Variants in CHN2 observed in about 807,000 individuals in gnomAD.
The protein encoded by CHN2 is beta-chimaerin.
In CHN2, 35 loss-of-function variants were observed where a neutral mutation model predicts 56.3. That is an observed-to-expected ratio of 0.62 (90% CI 0.47 to 0.82). CHN2 has a LOEUF of 0.82. Among genes scored for constraint, CHN2 ranks in the 40% least tolerant of loss-of-function variants. The pLI, the probability that CHN2 is intolerant of heterozygous loss-of-function variation, is 0.00. For missense variants in CHN2, 491 were observed against 580.5 expected (o/e 0.85, Z 1.58); for synonymous variants, 210 against 212.8 (o/e 0.99, Z 0.12).
At position 29,480,348 on chromosome 7, in the gene CHN2, A is replaced by C. The variant is rs779551481; in HGVS notation, c.646A>C (p.Asn216His). 1 of 1,614,194 alleles carries C rather than the reference A, an allele frequency of 6.2e-7. No homozygotes were observed. Among genetic ancestry groups the C allele is most frequent in the Non-Finnish European group, 8.5e-7 (1 of 1,180,010 alleles). The change falls in exon 7 of 13, where the codon AAC (asparagine) becomes CAC (histidine). Residue 216 changes from asparagine (N) to histidine (H), a missense_variant. Physicochemically the swap from Asn to His is moderately conservative, Grantham distance 68. Transcript: ENST00000222792. ...DNHFNYEKTH[N>H]FKVHTFRGPH... ...CCACTTCAATTATGAGAAGACACAC[A>C]ACTTTAAGGTAAGCAAGCCTCTGCA...
At chr7:29,233,476 C>T (rs2097818) in intron 1 of CHN2, among the ~76,000 whole-genome samples, 1 of 152,138 alleles carries the variant, frequency 6.6e-6, no homozygotes, top group Non-Finnish European at 1.5e-5. Flanking sequence ...CCCAAGATGT[C>T]GACTTCCACT....
rs1027624498 is a variant in CHN2 at position 29,507,503 on chromosome 7, T to A, written c.1129+138T>A. On this transcript the variant is annotated intron_variant, in intron 11 of 12. Transcript: ENST00000222792. ...TGTCAAGTGAGGGCACAACAATAAA[T>A]AGCTGACCAGGCATAGTTCAACAGC... 1.0e-5 allele frequency: 7 copies of A among 674,386 alleles called. No individual in the cohort carries two copies. In the Admixed American group the frequency reaches 2.1e-4, roughly 20 times the overall value. 41.8% of individuals were successfully genotyped at this position (674,386 alleles called of 1,614,324 possible).
intron 6 of CHN2, among the ~76,000 whole-genome samples, chr7:29,424,344 GT>G (rs948028186): frequency 4.6e-5 from 7 of 151,732 alleles, no homozygotes; most frequent in South Asian, 4.2e-4. Flanking sequence ...GATCTCCCCA[GT>G]TTTTTTTTAA....
intron 1 of CHN2, among the ~76,000 whole-genome samples, chr7:29,221,602 C>T (rs980494775): frequency 6.6e-5 from 10 of 152,168 alleles, no homozygotes; most frequent in African/African-American, 2.4e-4. Context: ...AGCTGTTCTT[C>T]CTGATGCTCT....
intron 1 of CHN2, among the ~76,000 whole-genome samples, chr7:29,236,723 A>T (rs1011903874): frequency 6.6e-6 from 1 of 152,240 alleles, no homozygotes; most frequent in Non-Finnish European, 1.5e-5. Flanking sequence ...AGAGTTCTCA[A>T]ATGGGTTGGC....
intron 3 of CHN2, among the ~76,000 whole-genome samples, chr7:29,375,856 G>A (rs1360632927): frequency 6.6e-6 from 1 of 152,210 alleles, no homozygotes; most frequent in African/African-American, 2.4e-5. Flanking sequence ...TGACTCAGAG[G>A]TCAGGCCCCA....
At chr7:29,339,638 AG>A (rs551457334) in intron 1 of CHN2, among the ~76,000 whole-genome samples, 178 of 152,280 alleles carry the variant, frequency 1.2e-3, no homozygotes, top group African/African-American at 4.2e-3. Flanking sequence ...GGATCACCTG[AG>A]GTCAGGAGTT....
At chr7:29,197,066 A>T (rs1783794178) in intron 1 of CHN2, among the ~76,000 whole-genome samples, 1 of 152,206 alleles carries the variant, frequency 6.6e-6, no homozygotes, top group Admixed American at 6.5e-5. Context: ...CATTGTGTGG[A>T]TCATGAATAA....
intron 1 of CHN2, among the ~76,000 whole-genome samples, chr7:29,228,935 G>A (rs762800252): frequency 1.2e-4 from 19 of 152,246 alleles, no homozygotes; most frequent in Admixed American, 2.0e-4. Context: ...TTTTGCTCCC[G>A]CTCTGCTCCA....
chr7:29,408,565 T>C (rs911482606), intron 6 of CHN2, among the ~76,000 whole-genome samples: 5 of 152,244 alleles, frequency 3.3e-5, no homozygotes, highest in Non-Finnish European at 7.3e-5. Context: ...TACAGTTACC[T>C]GTGCTGGTTC....
intron 7 of CHN2, among the ~76,000 whole-genome samples, chr7:29,494,522 C>G (rs1166482432): frequency 6.6e-6 from 1 of 152,092 alleles, no homozygotes; most frequent in Non-Finnish European, 1.5e-5. Flanking sequence ...CCCTGTAAGT[C>G]CTTCTGGGAT....
At chr7:29,195,629 A>AGAGAGAGAGTGTGTGTGT (rs869037854) in intron 1 of CHN2, among the ~76,000 whole-genome samples, 8 of 117,574 alleles carry the variant, frequency 6.8e-5, no homozygotes, top group South Asian at 2.9e-4. Context: ...AGAGAGAGAG[A>AGAGAGAGAGTGTGTGTGT]GTGTGTGTGT....
intron 1 of CHN2, among the ~76,000 whole-genome samples, chr7:29,195,713 C>T (rs1054756311): frequency 6.6e-6 from 1 of 151,238 alleles, no homozygotes. Context: ...ATTTCACTAG[C>T]AAGGCATGCA....
intron 6 of CHN2, among the ~76,000 whole-genome samples, chr7:29,456,889 C>T (rs1784810662): frequency 6.6e-6 from 1 of 152,094 alleles, no homozygotes; most frequent in African/African-American, 2.4e-5. Context: ...CAGAAAGCAC[C>T]AGGAGCTGGA....
intron 6 of CHN2, among the ~76,000 whole-genome samples, chr7:29,473,554 A>G (rs1220104110): frequency 1.3e-5 from 2 of 149,194 alleles, no homozygotes; most frequent in African/African-American, 5.0e-5. Context: ...GTGGAAAGAT[A>G]AAATTGGAGT....
intron 1 of CHN2, among the ~76,000 whole-genome samples, chr7:29,301,350 C>T (rs964709366): frequency 1.2e-5 from 1 of 86,886 alleles, no homozygotes; most frequent in Non-Finnish European, 2.4e-5. Context: ...GGTACACACA[C>T]ACACACACAC....
At position 29,507,237 on chromosome 7, in the gene CHN2, A is replaced by C. The variant is rs1362425398; in HGVS notation, c.1001A>C (p.Lys334Thr). Residue 334 changes from lysine to threonine, a missense_variant, in exon 11 of 13, where the codon AAG becomes ACG. By Grantham distance (78) the Lys-to-Thr change is moderately conservative (BLOSUM62 -1). Coordinates refer to ENST00000222792, the MANE Select transcript of CHN2 (RefSeq NM_004067.4). ...VKMAFDRDGE[K>T]ADISANVYPD... ...ACTGATTGTTTTTCAGATGGTGAAA[A>C]GGCCGATATATCTGCCAATGTCTAT... 6.2e-7 allele frequency: 1 copy of C among 1,605,624 alleles called. No homozygotes were observed. Among genetic ancestry groups the C allele is most frequent in the East Asian group, 2.2e-5 (1 of 44,648 alleles).
At chr7:29,219,419 A>G (rs548172575) in intron 1 of CHN2, among the ~76,000 whole-genome samples, 60 of 152,348 alleles carry the variant, frequency 3.9e-4, no homozygotes, top group South Asian at 1.0e-3. Context: ...GAAAGTGAAA[A>G]GAAGAAATAC....
Position 29,512,762 on chromosome 7 carries a change from C to T in CHN2, c.*27C>T, listed in dbSNP as rs115554531. Reference sequence around the variant, plus strand: ...CCATCAGGGAAATGAGCTGAATGGCCCCAGCACCATCCAAGTTGACACAGC... The same window carrying T: ...CCATCAGGGAAATGAGCTGAATGGCTCCAGCACCATCCAAGTTGACACAGC... On this transcript the variant is annotated 3_prime_UTR_variant, in exon 13 of 13. Transcript: ENST00000222792. The T allele has an allele frequency of 7.7e-4, 1,226 of 1,596,088 alleles. 11 individuals are homozygous for T. The African/African-American group carries it at 0.015, about 19-fold the overall frequency.
Sources: gnomAD v4.1 joint callset for allele counts (sites outside exome capture counted in the v4.1 genomes callset) on GRCh38, gnomAD v4.1.1 for gene constraint, MANE v1.5 for transcripts, NCBI Gene and HGNC (gene_info 2026-07-23, HGNC 2026-07-21) for gene names.